Variants in COP1 observed in about 807,000 individuals in gnomAD.
COP1 encodes E3 ubiquitin-protein ligase COP1.
COP1 carries 24 observed loss-of-function variants against 101.3 expected under a neutral mutation model. That is an observed-to-expected ratio of 0.24 (90% confidence interval 0.17 to 0.33). The LOEUF (loss-of-function observed/expected upper bound fraction) is 0.33. Ranked by LOEUF, COP1 falls within the 10% of genes least tolerant of loss-of-function variation. COP1 has a pLI of 1.00. For missense variants in COP1, 663 were observed against 906.2 expected (o/e 0.73, Z 3.45); for synonymous variants, 347 against 341.9 (o/e 1.01, Z -0.17).
chr1:176,181,537 G>T (rs967854811), intron 2 of COP1, among the ~76,000 whole-genome samples: 5 of 151,966 alleles, frequency 3.3e-5, no homozygotes, highest in African/African-American at 4.8e-5. Context: ...CTGCTCTCCA[G>T]TGGGTATCTT....
intron 8 of COP1, among the ~76,000 whole-genome samples, chr1:176,128,132 C>T (rs1181135710): frequency 1.3e-5 from 2 of 152,010 alleles, no homozygotes; most frequent in African/African-American, 4.8e-5. Context: ...ACATTAGCAC[C>T]TAATCCAATA....
intron 9 of COP1, among the ~76,000 whole-genome samples, chr1:176,112,489 C>T (rs549942217): frequency 2.6e-5 from 4 of 152,084 alleles, no homozygotes; most frequent in Admixed American, 6.6e-5. Context: ...TTTTGATAGA[C>T]GTATACAATG....
intron 14 of COP1, among the ~76,000 whole-genome samples, chr1:176,030,726 C>T (rs1273858970): frequency 1.3e-5 from 2 of 152,086 alleles, no homozygotes; most frequent in African/African-American, 2.4e-5. Flanking sequence ...CATGGAAAAG[C>T]GGTATAGAGA....
At position 175,949,576 on chromosome 1, in the gene COP1, C is replaced by T. The variant is rs10913113; in HGVS notation, c.2134-2337G>A. Reference sequence around the variant, plus strand: ...GACCCACAAATAATTCTCCTGTAAACATCATCCAGAAAAGCAGTTGAAAAT... The same window carrying T: ...GACCCACAAATAATTCTCCTGTAAATATCATCCAGAAAAGCAGTTGAAAAT... On this transcript the variant is annotated intron_variant, in intron 18 of 19. Coordinates refer to ENST00000367669, the MANE Select transcript of COP1 (RefSeq NM_022457.7). Among the ~76,000 whole-genome samples, 569 of 152,298 alleles carry T rather than the reference C, an allele frequency of 3.7e-3. 5 individuals are homozygous for T. The highest frequency in any genetic ancestry group is 0.012 in the African/African-American group (517 of 41,548).
At chr1:176,197,362 A>G (rs1010311542) in intron 1 of COP1, among the ~76,000 whole-genome samples, 9 of 152,336 alleles carry the variant, frequency 5.9e-5, no homozygotes, top group African/African-American at 2.2e-4. Flanking sequence ...TGCAGTAAGC[A>G]GTGTGATGGT....
intron 15 of COP1, among the ~76,000 whole-genome samples, chr1:176,022,754 CT>C (rs1025368344): frequency 3.9e-5 from 6 of 152,148 alleles, no homozygotes; most frequent in African/African-American, 1.4e-4. Flanking sequence ...GGAAAATTAG[CT>C]CATACCTAAC....
At chr1:176,021,942 C>T (rs1427801814) in intron 15 of COP1, among the ~76,000 whole-genome samples, 4 of 152,172 alleles carry the variant, frequency 2.6e-5, no homozygotes, top group South Asian at 2.1e-4. Flanking sequence ...TGTTAACTTT[C>T]GTGTTCACAT....
chr1:176,016,996 T>A (rs947795453), intron 15 of COP1, among the ~76,000 whole-genome samples: 4 of 152,114 alleles, frequency 2.6e-5, no homozygotes, highest in Non-Finnish European at 2.9e-5. Context: ...TAATTTCTAG[T>A]ACAACAAATA....
At chr1:176,122,347 C>T (rs532310039) in intron 8 of COP1, among the ~76,000 whole-genome samples, 1 of 152,146 alleles carries the variant, frequency 6.6e-6, no homozygotes, top group Admixed American at 6.5e-5. Context: ...TTATACGATA[C>T]ATGGCATATG....
chr1:176,117,962 T>G (rs1686490038), intron 8 of COP1, among the ~76,000 whole-genome samples: 1 of 152,124 alleles, frequency 6.6e-6, no homozygotes, highest in Non-Finnish European at 1.5e-5. Flanking sequence ...CCTATAAAAT[T>G]TAAGCAATTG....
chr1:175,963,446 C>T lies in COP1; in HGVS notation c.2134-16207G>A, dbSNP rs144880436. Among the ~76,000 whole-genome samples the T allele has an allele frequency of 3.3e-3, 503 of 152,194 alleles. 2 individuals carry two copies. Among genetic ancestry groups the T allele is most frequent in the South Asian group, 0.016 (77 of 4,822 alleles). On this transcript the variant is annotated intron_variant, in intron 18 of 19. Coordinates refer to ENST00000367669, the MANE Select transcript of COP1 (RefSeq NM_022457.7). ...TCTGCAGTATAGCAGAAAGGGTGTA[C>T]GTTTTACAGCCAGCCCGACCTGGGT...
chr1:176,088,988 T>C (rs1197117461), intron 9 of COP1, among the ~76,000 whole-genome samples: 1 of 85,454 alleles, frequency 1.2e-5, no homozygotes. Flanking sequence ...AGAGCAAAAC[T>C]CAGTCTCCAA....
At chr1:176,171,894 T>G (rs536109335) in intron 3 of COP1, among the ~76,000 whole-genome samples, 13 of 152,312 alleles carry the variant, frequency 8.5e-5, no homozygotes, top group African/African-American at 2.9e-4. Context: ...TTTCTGGTAT[T>G]GAATAAAAAG....
intron 17 of COP1, 38 bp downstream of exon 17, chr1:175,988,250 C>A (rs1404704425): frequency 6.4e-7 from 1 of 1,570,198 alleles, no homozygotes; most frequent in Admixed American, 1.8e-5. Flanking sequence ...ATAACAAACA[C>A]CTGTTAAAAA....
At chr1:176,113,609 T>C (rs1207723392) in intron 9 of COP1, among the ~76,000 whole-genome samples, 1 of 152,110 alleles carries the variant, frequency 6.6e-6, no homozygotes, top group African/African-American at 2.4e-5. Context: ...ATATAAAGTT[T>C]GGTCAAAGTC....
intron 2 of COP1, 42 bp from the exon 3 acceptor site, chr1:176,176,049 G>A: frequency 1.1e-6 from 1 of 926,200 alleles, no homozygotes; most frequent in Non-Finnish European, 1.7e-6. Context: ...TTAAATCAAT[G>A]AAAAATTAAT....
At chr1:175,979,580 A>T (rs1180788490) in intron 18 of COP1, among the ~76,000 whole-genome samples, 1 of 152,084 alleles carries the variant, frequency 6.6e-6, no homozygotes, top group African/African-American at 2.4e-5. Context: ...TGTAATAAAA[A>T]TATTAAGCCA....
At chr1:175,992,651 A>G (rs1340941256) in intron 15 of COP1, among the ~76,000 whole-genome samples, 1 of 152,214 alleles carries the variant, frequency 6.6e-6, no homozygotes, top group African/African-American at 2.4e-5. Flanking sequence ...CTGCAAGCAC[A>G]GCAGTCTGAG....
intron 18 of COP1, among the ~76,000 whole-genome samples, chr1:175,984,886 A>C (rs1004374954): frequency 6.6e-6 from 1 of 152,174 alleles, no homozygotes; most frequent in Non-Finnish European, 1.5e-5. Context: ...TCCCATTTTG[A>C]ATAGCTCTAT....
Sources: gnomAD v4.1 joint callset for allele counts (sites outside exome capture counted in the v4.1 genomes callset) on GRCh38, gnomAD v4.1.1 for gene constraint, MANE v1.5 for transcripts, NCBI Gene and HGNC (gene_info 2026-07-23, HGNC 2026-07-21) for gene names.